Variants in MARCHF10 observed in about 807,000 individuals in gnomAD.
The protein encoded by MARCHF10 is probable E3 ubiquitin-protein ligase MARCHF10.
A neutral mutation model predicts 76.2 loss-of-function variants in MARCHF10; 64 were observed. That is an observed-to-expected ratio of 0.84 (90% CI 0.69 to 1.03). The LOEUF (loss-of-function observed/expected upper bound fraction) is 1.03. MARCHF10 is among the 50% of genes least tolerant of loss of function. MARCHF10 has a pLI of 0.00. For missense variants in MARCHF10, 875 were observed against 958.0 expected, an observed-to-expected ratio of 0.91 and a Z score of 1.14; for synonymous variants, 340 against 357.5, an observed-to-expected ratio of 0.95 and a Z score of 0.55.
At chr17:62,737,408 A>T in intron 5 of MARCHF10, 76 bp from the exon 6 acceptor site, 1 of 1,410,450 alleles carries the variant, frequency 7.1e-7, no homozygotes, top group Non-Finnish European at 9.8e-7. Context: ...CCAAGTGCAA[A>T]ATTGCCCTTT....
chr17:62,802,480 G>A (rs1324992885), intron 1 of MARCHF10, among the ~76,000 whole-genome samples: 1 of 152,172 alleles, frequency 6.6e-6, no homozygotes, highest in African/African-American at 2.4e-5. Flanking sequence ...TCAGCCTCCC[G>A]AAGTGCTGGG....
At chr17:62,742,585 G>C (rs1441800631) in intron 5 of MARCHF10, among the ~76,000 whole-genome samples, 1 of 152,150 alleles carries the variant, frequency 6.6e-6, no homozygotes, top group Non-Finnish European at 1.5e-5. Flanking sequence ...GATGATGGGC[G>C]ATGACTCCTG....
intron 3 of MARCHF10, among the ~76,000 whole-genome samples, chr17:62,769,003 A>G (rs2092391932): frequency 6.6e-6 from 1 of 152,088 alleles, no homozygotes; most frequent in South Asian, 2.1e-4. Flanking sequence ...TATTTTTCCC[A>G]TTTTGAAGTG....
chr17:62,771,733 T>C (rs1039258701), intron 3 of MARCHF10, among the ~76,000 whole-genome samples: 3 of 151,726 alleles, frequency 2.0e-5, no homozygotes, highest in African/African-American at 4.8e-5. Flanking sequence ...CACACCACCA[T>C]GCCCAGCTAA....
At chr17:62,767,333 T>C (rs1248300228) in intron 3 of MARCHF10, among the ~76,000 whole-genome samples, 4 of 152,130 alleles carry the variant, frequency 2.6e-5, no homozygotes, top group African/African-American at 4.8e-5. Context: ...TTCTTTTCTT[T>C]ATTACAAAAG....
intron 3 of MARCHF10, among the ~76,000 whole-genome samples, chr17:62,765,684 A>G (rs1240387346): frequency 2.0e-5 from 3 of 152,280 alleles, no homozygotes; most frequent in African/African-American, 7.2e-5. Flanking sequence ...AGTTACTGAC[A>G]TGGCAAGCAG....
chr17:62,704,174 C>G (rs1307532690), intron 10 of MARCHF10, among the ~76,000 whole-genome samples: 1 of 151,528 alleles, frequency 6.6e-6, no homozygotes, highest in African/African-American at 2.4e-5. Context: ...AGGCCCTCGC[C>G]GAGGCGGAGG....
intron 4 of MARCHF10, among the ~76,000 whole-genome samples, chr17:62,755,560 T>G (rs950539884): frequency 7.9e-5 from 12 of 152,120 alleles, no homozygotes; most frequent in Non-Finnish European, 1.5e-4. Context: ...AACATGTAAC[T>G]AAGAACATGT....
At chr17:62,799,608 G>A (rs2093040008) in intron 2 of MARCHF10, among the ~76,000 whole-genome samples, 2 of 152,154 alleles carry the variant, frequency 1.3e-5, no homozygotes, top group Admixed American at 6.5e-5. Flanking sequence ...TTAGCCAGGT[G>A]TGTTGGCGCA....
At chr17:62,732,360 A>G (rs2091059220) in intron 6 of MARCHF10, among the ~76,000 whole-genome samples, 1 of 152,224 alleles carries the variant, frequency 6.6e-6, no homozygotes, top group Admixed American at 6.5e-5. Flanking sequence ...TTAAGACGGA[A>G]TGGCATTAGA....
chr17:62,787,736 G>C (rs904629581), intron 3 of MARCHF10, among the ~76,000 whole-genome samples: 1 of 151,758 alleles, frequency 6.6e-6, no homozygotes, highest in Non-Finnish European at 1.5e-5. Context: ...GTAAAGTGGG[G>C]CAAAGATGGA....
At chr17:62,721,730 C>T (rs2090496683) in intron 8 of MARCHF10, among the ~76,000 whole-genome samples, 1 of 152,124 alleles carries the variant, frequency 6.6e-6, no homozygotes, top group Non-Finnish European at 1.5e-5. Context: ...AAAGATCAGC[C>T]AGTAGGCATT....
intron 4 of MARCHF10, among the ~76,000 whole-genome samples, chr17:62,748,986 G>T (rs1010198064): frequency 2.0e-5 from 3 of 152,192 alleles, no homozygotes; most frequent in Non-Finnish European, 4.4e-5. Context: ...GAGTTTCACT[G>T]CCAGGTAACT....
chr17:62,798,602 G>A (rs2093024041), intron 2 of MARCHF10, among the ~76,000 whole-genome samples: 1 of 152,174 alleles, frequency 6.6e-6, no homozygotes, highest in African/African-American at 2.4e-5. Context: ...GAGAGCGGAG[G>A]TGATGGTCGG....
At chr17:62,748,726 G>C (rs980311969) in intron 4 of MARCHF10, among the ~76,000 whole-genome samples, 12 of 152,196 alleles carry the variant, frequency 7.9e-5, no homozygotes, top group Admixed American at 4.6e-4. Context: ...GCCTGGGCAA[G>C]AGCACGACAT....
At chr17:62,798,342 G>T (rs752170268) in intron 2 of MARCHF10, among the ~76,000 whole-genome samples, 4 of 151,862 alleles carry the variant, frequency 2.6e-5, no homozygotes, top group Non-Finnish European at 5.9e-5. Context: ...AGCCAAAGGA[G>T]GCTGGATATG....
At chr17:62,720,853 A>C (rs998752743) in intron 8 of MARCHF10, among the ~76,000 whole-genome samples, 42 of 147,946 alleles carry the variant, frequency 2.8e-4, no homozygotes, top group Non-Finnish European at 5.2e-4. Flanking sequence ...TGCTCCGGTA[A>C]GTTGTGATTT....
At position 62,711,186 on chromosome 17, in the gene MARCHF10, T is replaced by G; in HGVS notation, c.2328+45A>C. The G allele has an allele frequency of 6.5e-7, 1 of 1,549,164 alleles. No individual in the cohort carries two copies. On this transcript the variant is annotated intron_variant, in intron 9 of 10. Transcript: ENST00000311269. The surrounding 1 kb of genome is among the most constrained non-coding windows in gnomAD (Gnocchi z 4.4). ...CATCTAATAAACAGCACTGCAGGGT[T>G]TTCAGGGCTGCCACCGGACAGCTCT... is the stretch of plus-strand genomic sequence containing the variant.
intron 1 of MARCHF10, among the ~76,000 whole-genome samples, chr17:62,803,521 C>CT (rs754434279): frequency 6.6e-6 from 1 of 151,726 alleles, no homozygotes; most frequent in Admixed American, 6.6e-5. Context: ...CATAGCTACT[C>CT]TTTTTTATTT....
Sources: gnomAD v4.1 joint callset for allele counts (sites outside exome capture counted in the v4.1 genomes callset) on GRCh38, gnomAD v4.1.1 for gene constraint, Gnocchi (gnomAD v3.1) non-coding constraint, MANE v1.5 for transcripts, NCBI Gene and HGNC (gene_info 2026-07-23, HGNC 2026-07-21) for gene names.